UBE3D: variants seen among roughly 807,000 people sequenced by gnomAD.
UBE3D encodes the protein E3 ubiquitin-protein ligase E3D.
Under a neutral mutation model 49.6 loss-of-function variants are expected in UBE3D, and 48 were observed. That is an observed-to-expected ratio of 0.97 (90% CI 0.77 to 1.23). The LOEUF (loss-of-function observed/expected upper bound fraction) is 1.23, where lower values mean the gene tolerates loss of function less well. UBE3D is among the 50% of genes most tolerant of loss of function. UBE3D has a pLI of 0.00. For missense variants in UBE3D, 452 were observed against 468.4 expected, an observed-to-expected ratio of 0.96 and a Z score of 0.32; for synonymous variants, 189 against 174.2, an observed-to-expected ratio of 1.08 and a Z score of -0.67.
rs559483260 is a variant in UBE3D at position 83,042,155 on chromosome 6, G to A, written c.597+2273C>T. Reference sequence around the variant, plus strand: ...AATCTCCTGACCTCATGATCCACCCGCCTCAACCTCCCAAAGTGCTGGGAT... The same window carrying A: ...AATCTCCTGACCTCATGATCCACCCACCTCAACCTCCCAAAGTGCTGGGAT... On this transcript the variant is annotated intron_variant, in intron 4 of 9. Coordinates refer to ENST00000369747, the MANE Select transcript of UBE3D (RefSeq NM_198920.3). Among the ~76,000 whole-genome samples the A allele has an allele frequency of 5.3e-5, 8 of 152,166 alleles. No individual in the cohort carries two copies. The South Asian group carries it at 6.2e-4, about 12-fold the overall frequency.
At chr6:83,047,473 T>C (rs1307564993) in intron 3 of UBE3D, among the ~76,000 whole-genome samples, 2 of 152,212 alleles carry the variant, frequency 1.3e-5, no homozygotes, top group Non-Finnish European at 2.9e-5. Flanking sequence ...CGTACCTCCC[T>C]GATGTGGAGC....
At chr6:83,017,542 T>A (rs1780780436) in intron 8 of UBE3D, 1 of 152,028 alleles carries the variant, frequency 6.6e-6, no homozygotes, top group African/African-American at 2.4e-5. Context: ...CATGTCTCAA[T>A]AAAATATAAG....
At position 82,898,933 on chromosome 6, in the gene UBE3D, C is replaced by T. The variant is rs571363448; in HGVS notation, c.1150-5891G>A. The stretch of plus-strand genomic sequence containing the variant: ...GTGACACTGATTGTTCCAGCCACAG[C>T]GCACACTGAGAAGGAATTTCCGCCT... On this transcript the variant is annotated intron_variant, in intron 9 of 9. Coordinates refer to ENST00000369747, the MANE Select transcript of UBE3D (RefSeq NM_198920.3). Among the ~76,000 whole-genome samples the T allele has an allele frequency of 3.3e-5, 5 of 152,174 alleles. No homozygotes were observed. The East Asian group carries it at 9.7e-4, about 29-fold the overall frequency.
chr6:82,891,852 C>T (rs1047471171), downstream of UBE3D, among the ~76,000 whole-genome samples: 3 of 152,110 alleles, frequency 2.0e-5, no homozygotes, highest in African/African-American at 4.8e-5. Context: ...ATGGCAAAAC[C>T]CTGTCTCTAC....
At position 82,997,472 on chromosome 6, in the gene UBE3D, C is replaced by T. The variant is rs144538936; in HGVS notation, c.1010+21501G>A. ...CAGTGGCTCACGCCTGTAATCCCAG[C>T]ATTTTGGGAGGCAGAGGCGGGAGGA... On this transcript the variant is annotated intron_variant, in intron 8 of 9. Transcript: ENST00000369747. 3.9e-3 allele frequency among the ~76,000 whole-genome samples: 589 copies of T among 152,280 alleles called. 7 individuals are homozygous for T. In the East Asian group the frequency reaches 0.042, roughly 11 times the overall value.
chr6:82,883,894 TG>T, the UBE3D span, among the ~76,000 whole-genome samples: 2 of 152,136 alleles, frequency 1.3e-5, no homozygotes, highest in African/African-American at 4.8e-5. Context: ...ACCCAAACAG[TG>T]CTAACACCTG....
chr6:82,907,398 G>A lies in UBE3D; in HGVS notation c.1150-14356C>T, dbSNP rs186838751. Among the ~76,000 whole-genome samples the A allele has an allele frequency of 3.9e-5, 6 of 152,310 alleles. No homozygotes were observed. In the East Asian group the frequency reaches 9.7e-4, roughly 25 times the overall value. On this transcript the variant is annotated intron_variant, in intron 9 of 9. Coordinates refer to ENST00000369747, the MANE Select transcript of UBE3D (RefSeq NM_198920.3). ...GAAACAAACAAACAAAATCCAGAAG[G>A]CATGTTTCACAGTGGTTTTTATAAT...
intron 8 of UBE3D, among the ~76,000 whole-genome samples, chr6:82,990,238 A>C (rs1778790814): frequency 6.6e-6 from 1 of 152,190 alleles, no homozygotes; most frequent in South Asian, 2.1e-4. Flanking sequence ...CCAACAGGAA[A>C]AAATTAAACT....
intron 2 of UBE3D, among the ~76,000 whole-genome samples, chr6:83,056,772 G>A (rs1783840754): frequency 6.6e-6 from 1 of 151,928 alleles, no homozygotes; most frequent in African/African-American, 2.4e-5. Flanking sequence ...CACTCCTCCT[G>A]ACCCCATCTC....
At chr6:82,990,483 G>A (rs536600464) in intron 8 of UBE3D, among the ~76,000 whole-genome samples, 3 of 152,056 alleles carry the variant, frequency 2.0e-5, no homozygotes, top group East Asian at 1.9e-4. Context: ...TCACCATGTT[G>A]GACAGGCTGG....
At chr6:83,018,634 G>GGGTTTGTTCATTATTGTATCCTGATGCCT (rs1338660570) in intron 8 of UBE3D, 1 of 219,536 alleles carries the variant, frequency 4.6e-6, no homozygotes. Flanking sequence ...GTAGGGGCTG[G>GGGTTTGTTCATTATTGTATCCTGATGCCT]GGTTTGTTCA....
At chr6:82,919,987 C>T (rs537746642) in intron 9 of UBE3D, among the ~76,000 whole-genome samples, 123 of 152,222 alleles carry the variant, frequency 8.1e-4, no homozygotes, top group Non-Finnish European at 1.1e-3. Flanking sequence ...CAAGTATCAC[C>T]GAATGAAATT....
At chr6:83,041,053 G>C (rs1782635856) in intron 4 of UBE3D, among the ~76,000 whole-genome samples, 1 of 152,164 alleles carries the variant, frequency 6.6e-6, no homozygotes, top group Admixed American at 6.5e-5. Flanking sequence ...TTTTTAAAGA[G>C]TACTATTTTA....
At chr6:83,047,346 C>T (rs1783129773) in intron 3 of UBE3D, among the ~76,000 whole-genome samples, 1 of 152,196 alleles carries the variant, frequency 6.6e-6, no homozygotes, top group South Asian at 2.1e-4. Flanking sequence ...TGATAGGACA[C>T]TTTGGCCTTC....
chr6:82,933,152 C>G (rs1424498377), intron 9 of UBE3D, among the ~76,000 whole-genome samples: 2 of 152,120 alleles, frequency 1.3e-5, no homozygotes, highest in Non-Finnish European at 2.9e-5. Context: ...GTATGACTCT[C>G]TAGGCCTTCA....
intron 9 of UBE3D, among the ~76,000 whole-genome samples, chr6:82,951,540 G>A (rs1049489211): frequency 6.6e-6 from 1 of 152,184 alleles, no homozygotes; most frequent in Non-Finnish European, 1.5e-5. Context: ...CATTCTCAGT[G>A]AGAGTCAATC....
chr6:82,956,422 G>A (rs1776160836), intron 9 of UBE3D, among the ~76,000 whole-genome samples: 1 of 152,156 alleles, frequency 6.6e-6, no homozygotes, highest in Admixed American at 6.5e-5. Flanking sequence ...GGGTCTTCCT[G>A]TTGGTCATCT....
chr6:83,019,164 A>G (rs1582654542), intron 7 of UBE3D, 28 bp from the exon 8 acceptor site: 1 of 1,594,906 alleles, frequency 6.3e-7, no homozygotes, highest in Non-Finnish European at 8.5e-7. Context: ...AAGTCCAAGT[A>G]TAAGAATATT....
At chr6:82,951,881 T>A (rs1227886782) in intron 9 of UBE3D, among the ~76,000 whole-genome samples, 1 of 152,190 alleles carries the variant, frequency 6.6e-6, no homozygotes, top group Admixed American at 6.5e-5. Flanking sequence ...ACTGCAGCAC[T>A]ACTTCTTGTG....
Sources: gnomAD v4.1 joint callset for allele counts (sites outside exome capture counted in the v4.1 genomes callset) on GRCh38, gnomAD v4.1.1 for gene constraint, MANE v1.5 for transcripts, NCBI Gene and HGNC (gene_info 2026-07-23, HGNC 2026-07-21) for gene names.